PLEKHG5: variants seen among roughly 807,000 people sequenced by gnomAD.
PLEKHG5 encodes pleckstrin homology and RhoGEF domain containing G5.
In PLEKHG5, 52 loss-of-function variants were observed where a neutral mutation model predicts 103.8. The ratio of observed to expected loss-of-function variants is 0.50; its 90% confidence interval spans 0.40 to 0.63. PLEKHG5 has a LOEUF of 0.63. PLEKHG5 is among the 30% of genes least tolerant of loss of function. PLEKHG5 has a pLI of 0.00. For synonymous variants in PLEKHG5, 592 were observed against 575.5 expected, an observed-to-expected ratio of 1.03 and a Z score of -0.41; for missense variants, 1,205 against 1,347.6, an observed-to-expected ratio of 0.89 and a Z score of 1.66.
rs372001535 is a variant in PLEKHG5 at position 6,472,543 on chromosome 1, A to G, written c.1064T>C (p.Leu355Pro). The stretch of plus-strand genomic sequence containing the variant: ...CCTACTCACGTTGATGATCACCCGC[A>G]GTTTCCTGATGTAGGAGGCCTCCGT... The part of the protein sequence containing the change: ...LHTEASYIRK[L>P]RVIINLFLCC... Residue 355 changes from leucine to proline, a missense_variant, in exon 10 of 21, where the codon CTG (leucine) becomes CCG (proline). Physicochemically the swap from Leu to Pro is moderately conservative, Grantham distance 98. Coordinates refer to ENST00000377728, the MANE Select transcript of PLEKHG5 (RefSeq NM_020631.6). 3 of 1,612,732 alleles carry G rather than the reference A, an allele frequency of 1.9e-6. No homozygotes were observed. Among genetic ancestry groups the G allele is most frequent in the Non-Finnish European group, 2.5e-6 (3 of 1,178,988 alleles).
chr1:6,470,932 CGG>C, intron 13 of PLEKHG5, 48 bp from the exon 14 acceptor site: 1 of 1,548,392 alleles, frequency 6.5e-7, no homozygotes, highest in Non-Finnish European at 8.7e-7. Flanking sequence ...CCGCCCCACC[CGG>C]CCCCGTCCAG....
chr1:6,493,716 C>A (rs922400124), upstream of PLEKHG5, among the ~76,000 whole-genome samples: 1 of 152,074 alleles, frequency 6.6e-6, no homozygotes, highest in African/African-American at 2.4e-5. Flanking sequence ...AGTGCAATTG[C>A]GTGATCTCAG....
intron 1 of PLEKHG5, chr1:6,485,692 G>GA (rs1645018615): frequency 3.3e-6 from 1 of 305,908 alleles, no homozygotes; most frequent in Non-Finnish European, 5.4e-6. Flanking sequence ...CTGCCCGGGC[G>GA]ACCCCCCGCC....
chr1:6,496,608 C>T, upstream of PLEKHG5: 1 of 1,450,760 alleles, frequency 6.9e-7, no homozygotes, highest in Non-Finnish European at 9.3e-7. Context: ...CAGCGGGGCA[C>T]CCAGGCTCCC....
At chr1:6,489,602 G>A (rs904732755) in intron 1 of PLEKHG5, among the ~76,000 whole-genome samples, 3 of 152,202 alleles carry the variant, frequency 2.0e-5, no homozygotes, top group East Asian at 3.9e-4. Context: ...AGACCCCAGC[G>A]TGTGTCTTCG....
At chr1:6,482,531 T>C (rs903193294) in intron 1 of PLEKHG5, among the ~76,000 whole-genome samples, 1 of 152,100 alleles carries the variant, frequency 6.6e-6, no homozygotes, top group African/African-American at 2.4e-5. Flanking sequence ...ACTGGGGGCA[T>C]TACATGTGTA....
At chr1:6,508,886 G>C (rs948193423) in intron 1 of PLEKHG5, among the ~76,000 whole-genome samples, 1 of 152,228 alleles carries the variant, frequency 6.6e-6, no homozygotes, top group African/African-American at 2.4e-5. Flanking sequence ...GCCACACAGA[G>C]CTAGGAAGAG....
At chr1:6,497,493 G>A (rs1645246167), upstream of PLEKHG5, 2 of 180,080 alleles carry the variant, frequency 1.1e-5, no homozygotes, top group Non-Finnish European at 2.1e-5. The surrounding 1 kb of genome is among the most constrained non-coding windows in gnomAD (Gnocchi z 6.1). Flanking sequence ...GGGGGCGGGG[G>A]GACAGGAGCG....
At chr1:6,510,675 C>T (rs1638447892) in intron 1 of PLEKHG5, among the ~76,000 whole-genome samples, 2 of 152,294 alleles carry the variant, frequency 1.3e-5, no homozygotes, top group South Asian at 4.1e-4. Flanking sequence ...ACCCTGGGGG[C>T]GGGGGCCAGG....
chr1:6,486,221 C>G lies in PLEKHG5; in HGVS notation c.-88+5416G>C, dbSNP rs1429760610. Among the ~76,000 whole-genome samples, 1 of 152,074 alleles carries G rather than the reference C, an allele frequency of 6.6e-6. No individual in the cohort carries two copies. The highest frequency in any genetic ancestry group is 1.5e-5 in the Non-Finnish European group (1 of 67,984). Reference sequence around the variant, plus strand: ...CAAGGGAGCTCTTAGAATACAGGCACCAGAAGGGGGAGGCCAGGATGGGGC... The same window carrying G: ...CAAGGGAGCTCTTAGAATACAGGCAGCAGAAGGGGGAGGCCAGGATGGGGC... On this transcript the variant is annotated intron_variant, in intron 1 of 20. Transcript: ENST00000377728. The surrounding 1 kb of genome is among the most constrained non-coding windows in gnomAD (Gnocchi z 5.3).
intron 12 of PLEKHG5, 70 bp downstream of exon 12, chr1:6,471,418 G>A (rs912815970): frequency 1.3e-6 from 2 of 1,510,662 alleles, no homozygotes; most frequent in East Asian, 4.7e-5. Context: ...AGACCGGATC[G>A]GGCCGTGGAG....
intron 6 of PLEKHG5, 85 bp from the exon 7 acceptor site, chr1:6,474,249 C>T: frequency 6.6e-7 from 1 of 1,523,932 alleles, no homozygotes; most frequent in Admixed American, 1.8e-5. Flanking sequence ...GGAGGATCCA[C>T]ACCAAGGCCT....
chr1:6,476,750 CTT>C (rs1301296723), intron 2 of PLEKHG5, among the ~76,000 whole-genome samples: 1 of 152,020 alleles, frequency 6.6e-6, no homozygotes, highest in East Asian at 1.9e-4. Flanking sequence ...GGGAGAGAGT[CTT>C]TTGTTTGTTT....
At chr1:6,485,204 C>T (rs1355904399) in intron 1 of PLEKHG5, 8 of 661,764 alleles carry the variant, frequency 1.2e-5, no homozygotes, top group Non-Finnish European at 1.7e-5. Flanking sequence ...CATCCTTCCC[C>T]TGGGGGCCGC....
At chr1:6,506,725 C>T (rs533460451) in intron 1 of PLEKHG5, among the ~76,000 whole-genome samples, 43 of 152,346 alleles carry the variant, frequency 2.8e-4, no homozygotes, top group African/African-American at 1.0e-3. Context: ...GCATGTCCCT[C>T]ACCTCCACTG....
At position 6,470,974 on chromosome 1, in the gene PLEKHG5, G is replaced by A. The variant is rs1484842718; in HGVS notation, c.1392+16C>T. On this transcript the variant is annotated intron_variant, in intron 13 of 20. Coordinates refer to ENST00000377728, the MANE Select transcript of PLEKHG5 (RefSeq NM_020631.6). Reference sequence around the variant, plus strand: ...CCGTCCTCCTGCGCCCCCGCCCACGGCACGCGCGCCCTCACCGTGATGTAG... The same window carrying A: ...CCGTCCTCCTGCGCCCCCGCCCACGACACGCGCGCCCTCACCGTGATGTAG... 1.9e-6 allele frequency: 3 copies of A among 1,581,796 alleles called. No homozygotes were observed. The highest frequency in any genetic ancestry group is 1.4e-5 in the African/African-American group (1 of 74,006).
rs1569835407 is a variant in PLEKHG5 at position 6,468,441 on chromosome 1, T to G, written c.2395A>C (p.Thr799Pro). ...GGACCCAGGGGCAGCAGCTCACTGG[T>G]GGGCGTGGCAGATGAGGCAGTGGTG... ...LSTTASSATP[T>P]SELLPLGPVD... is the part of the protein sequence containing the mutation. Residue 799 changes from threonine (T) to proline (P), a missense_variant, in exon 20 of 21, where the codon ACC becomes CCC. Physicochemically the swap from Thr to Pro is conservative, Grantham distance 38. Transcript: ENST00000377728. 1.9e-6 allele frequency: 3 copies of G among 1,612,236 alleles called. No homozygotes were observed. Among genetic ancestry groups the G allele is most frequent in the Non-Finnish European group, 2.5e-6 (3 of 1,179,594 alleles).
Position 6,473,035 on chromosome 1 carries a change from G to C in PLEKHG5, c.935C>G (p.Ala312Gly). 7 of 1,614,070 alleles carry C rather than the reference G, an allele frequency of 4.3e-6. No homozygotes were observed. Among genetic ancestry groups the C allele is most frequent in the Non-Finnish European group, 5.9e-6 (7 of 1,180,002 alleles). Reference sequence around the variant, plus strand: ...CCAGCTGTCCTCCAGCCTCAGGCAGGCATTGTCCTCATCCTCGTCTTCATC... The same window carrying C: ...CCAGCTGTCCTCCAGCCTCAGGCAGCCATTGTCCTCATCCTCGTCTTCATC... The part of the protein sequence containing the change: ...EYDEDEDEDN[A>G]CLRLEDSWRE... Residue 312 changes from alanine to glycine, a missense_variant, in exon 9 of 21, where the codon GCC becomes GGC. Physicochemically the swap from Ala to Gly is moderately conservative, Grantham distance 60. Coordinates refer to ENST00000377728, the MANE Select transcript of PLEKHG5 (RefSeq NM_020631.6).
At chr1:6,500,377 G>A (rs1037864727), upstream of PLEKHG5, among the ~76,000 whole-genome samples, 2 of 152,246 alleles carry the variant, frequency 1.3e-5, no homozygotes, top group African/African-American at 4.8e-5. Flanking sequence ...TCTCGGGGTG[G>A]CAGGGGGGCG....
Sources: gnomAD v4.1 joint callset for allele counts (sites outside exome capture counted in the v4.1 genomes callset) on GRCh38, gnomAD v4.1.1 for gene constraint, Gnocchi (gnomAD v3.1) non-coding constraint, MANE v1.5 for transcripts, NCBI Gene and HGNC (gene_info 2026-07-23, HGNC 2026-07-21) for gene names.